Variants in NRK observed in about 807,000 individuals in gnomAD.
The protein encoded by NRK is Nik related kinase, also known as nik-related protein kinase.
A neutral mutation model predicts 125.2 loss-of-function variants in NRK; 67 were observed. That is an observed-to-expected ratio of 0.54 (90% CI 0.44 to 0.66). The LOEUF (loss-of-function observed/expected upper bound fraction) is 0.66. NRK is among the 30% of genes least tolerant of loss of function. The pLI is 0.00. For synonymous variants in NRK, 458 were observed against 429.0 expected, an observed-to-expected ratio of 1.07 and a Z score of -0.84; for missense variants, 1,224 against 1,192.9, an observed-to-expected ratio of 1.03 and a Z score of -0.38.
chrX:105,901,564 A>G (rs1292164379), intron 9 of NRK, among the ~76,000 whole-genome samples: 1 of 111,391 alleles, frequency 9.0e-6, no homozygotes, highest in African/African-American at 3.3e-5. Context: ...ATGTCCACCC[A>G]TCAAGTTTTA....
chrX:105,939,862 C>G lies in NRK; in HGVS notation c.3800-12C>G. 1 of 1,055,382 alleles carries G rather than the reference C, an allele frequency of 9.5e-7. No individual in the cohort carries two copies. The highest frequency in any genetic ancestry group is 1.3e-6 in the Non-Finnish European group (1 of 779,770). The allele number at this position is 1,055,382 out of a possible 1,213,427, so 87.0% of individuals were successfully genotyped here. ...ACTGATTTTAAATACTGTATATTTT[C>G]TTATCTATCAGGTCATAAGAACAGA... On this transcript the variant is annotated splice_polypyrimidine_tract_variant and intron_variant, in intron 22 of 28. Transcript: ENST00000243300.
chrX:105,843,384 C>T (rs1367386565), intron 2 of NRK, among the ~76,000 whole-genome samples: 1 of 111,646 alleles, frequency 9.0e-6, no homozygotes, highest in Non-Finnish European at 1.9e-5. Flanking sequence ...AAAATGACCC[C>T]GACCCCTCGG....
At chrX:105,838,086 T>C (rs1391297298) in intron 2 of NRK, among the ~76,000 whole-genome samples, 1 of 111,577 alleles carries the variant, frequency 9.0e-6, no homozygotes, top group East Asian at 2.8e-4. Context: ...CCTAGCACAG[T>C]GCCTGGCACT....
intron 27 of NRK, 91 bp from the exon 28 acceptor site, chrX:105,952,943 C>T: frequency 1.3e-6 from 1 of 774,071 alleles, no homozygotes; most frequent in Non-Finnish European, 1.8e-6. Flanking sequence ...CAATGAGCCT[C>T]TTAATAAACA....
chrX:105,848,388 T>G (rs2147662583), intron 2 of NRK, among the ~76,000 whole-genome samples: 1 of 112,297 alleles, frequency 8.9e-6, no homozygotes, highest in Non-Finnish European at 1.9e-5. Context: ...TCTAGGAATC[T>G]GAAGGTGAAA....
chrX:105,928,460 G>A (rs1412415618), intron 19 of NRK, among the ~76,000 whole-genome samples: 1 of 110,845 alleles, frequency 9.0e-6, no homozygotes, highest in Non-Finnish European at 1.9e-5. Context: ...TATTTCTTCT[G>A]TATTGTTTTT....
intron 21 of NRK, 114 bp downstream of exon 21, chrX:105,935,439 A>G: frequency 2.0e-6 from 1 of 494,461 alleles, no homozygotes; most frequent in Non-Finnish European, 3.1e-6. Context: ...AAATATATTT[A>G]TAGTAGTTAA....
At chrX:105,907,394 G>A (rs2040234626) in intron 11 of NRK, 1 of 111,808 alleles carries the variant, frequency 8.9e-6, no homozygotes, top group Admixed American at 9.5e-5. Context: ...ATGTAAAAGG[G>A]AAAACTTGAA....
In NRK at chrX:105,945,977, A is replaced by T. The variant is rs1425355135; in HGVS notation, c.4165A>T (p.Lys1389Ter). Residue 1389 changes from lysine to a stop codon, truncating the protein, a stop_gained, in exon 25 of 29, where the codon AAG becomes TAG. Coordinates refer to ENST00000243300, the MANE Select transcript of NRK (RefSeq NM_198465.4). LOFTEE classifies it high-confidence loss of function. Reference sequence around the variant, plus strand: ...GGCAGCTGATCCAGTGAACCGGTTTAAGAGACCAGATGAGCTCCTTCATTT... The same window carrying T: ...GGCAGCTGATCCAGTGAACCGGTTTTAGAGACCAGATGAGCTCCTTCATTT... ...IQAADPVNRF[K>*]RPDELLHLLK... The T allele has an allele frequency of 8.3e-7, 1 of 1,208,940 alleles. No individual in the cohort carries two copies. The highest frequency in any genetic ancestry group is 1.1e-6 in the Non-Finnish European group (1 of 894,484).
At chrX:105,893,182 T>G (rs1274587477) in intron 5 of NRK, among the ~76,000 whole-genome samples, 1 of 111,914 alleles carries the variant, frequency 8.9e-6, no homozygotes, top group Non-Finnish European at 1.9e-5. Flanking sequence ...GAAATATTAT[T>G]GAAGATATTA....
chrX:105,932,011 C>T (rs371287402), intron 19 of NRK, among the ~76,000 whole-genome samples: 1 of 110,904 alleles, frequency 9.0e-6, no homozygotes. Flanking sequence ...TTGTTTCCCC[C>T]CTCCTCTAAC....
At chrX:105,939,754 TAAGGTGC>T in intron 22 of NRK, 113 bp from the exon 23 acceptor site, 1 of 429,488 alleles carries the variant, frequency 2.3e-6, no homozygotes, top group Non-Finnish European at 3.9e-6. Context: ...CAGTTTTTTT[TAAGGTGC>T]TTTTTACGTT....
At chrX:105,949,808 G>C (rs2040868020) in intron 27 of NRK, 74 bp downstream of exon 27, 2 of 664,601 alleles carry the variant, frequency 3.0e-6, no homozygotes, top group Non-Finnish European at 2.2e-6. Context: ...CCTAAGAAAA[G>C]ATTTCCTGAA....
intron 21 of NRK, among the ~76,000 whole-genome samples, chrX:105,935,999 T>G (rs2040660370): frequency 9.1e-6 from 1 of 110,323 alleles, no homozygotes; most frequent in Non-Finnish European, 1.9e-5. Flanking sequence ...CTATAATGTC[T>G]TAACTCTGAT....
rs923831888 is a variant in NRK, at chrX:105,910,597, G to C, written c.2241+715G>C. Among the ~76,000 whole-genome samples, 42 of 112,335 alleles carry C rather than the reference G, an allele frequency of 3.7e-4. 1 individual carries two copies. Among genetic ancestry groups the C allele is most frequent in the Non-Finnish European group, 1.9e-5 (1 of 53,295 alleles). ...CATGCATCAAGAATGCAGCAGAAGA[G>C]TTTAATGATCAGCAGGGCATGGAGT... On this transcript the variant is annotated intron_variant, in intron 13 of 28. Coordinates refer to ENST00000243300, the MANE Select transcript of NRK (RefSeq NM_198465.4).
chrX:105,849,032 T>C (rs897145236), intron 2 of NRK, among the ~76,000 whole-genome samples: 1 of 112,001 alleles, frequency 8.9e-6, no homozygotes, highest in Non-Finnish European at 1.9e-5. Context: ...CTCTCTGTAT[T>C]GTGCCTTATG....
intron 19 of NRK, among the ~76,000 whole-genome samples, chrX:105,932,626 T>C (rs1180901419): frequency 9.0e-6 from 1 of 111,641 alleles, no homozygotes; most frequent in African/African-American, 3.3e-5. Context: ...CAGGTGGAAC[T>C]CCAGACAGAA....
chrX:105,927,114 A>G (rs1008961821), intron 19 of NRK, among the ~76,000 whole-genome samples: 5 of 111,063 alleles, frequency 4.5e-5, no homozygotes, highest in Non-Finnish European at 7.6e-5. Flanking sequence ...GTCCATGAGC[A>G]TATGTTGCCT....
intron 28 of NRK, 37 bp downstream of exon 28, chrX:105,953,210 G>A (rs951112165): frequency 3.0e-6 from 3 of 1,013,993 alleles, no homozygotes; most frequent in Non-Finnish European, 3.9e-6. Flanking sequence ...CAAAAATAAC[G>A]CAACCATTGA....
Sources: allele counts gnomAD v4.1 joint callset (sites outside exome capture counted in the v4.1 genomes callset), GRCh38; gene constraint gnomAD v4.1.1; transcripts MANE v1.5; gene names NCBI Gene and HGNC (gene_info 2026-07-23, HGNC 2026-07-21).